The following GTF2E1 variants were observed in gnomAD, a reference collection of about 807,000 sequenced individuals.
GTF2E1 encodes the protein TFIIE alpha subunit.
In GTF2E1, 14 loss-of-function variants were observed where a neutral mutation model predicts 34.9. The ratio of observed to expected loss-of-function variants is 0.40; its 90% CI spans 0.27 to 0.63. The LOEUF (loss-of-function observed/expected upper bound fraction) is 0.63, where lower values mean the gene tolerates loss of function less well. Ranked by LOEUF, GTF2E1 falls within the 20% of genes least tolerant of loss-of-function variation. The pLI is 0.39. For missense variants in GTF2E1, 469 were observed against 557.7 expected (o/e 0.84, Z 1.60); for synonymous variants, 188 against 192.9 (o/e 0.97, Z 0.21).
intron 4 of GTF2E1, among the ~76,000 whole-genome samples, chr3:120,778,429 A>G (rs1349283496): frequency 6.6e-6 from 1 of 152,302 alleles, no homozygotes; most frequent in African/African-American, 2.4e-5. Flanking sequence ...ATTTTCCTCA[A>G]ACTTCAAGTC....
intron 2 of GTF2E1, among the ~76,000 whole-genome samples, chr3:120,757,586 T>C (rs570661200): frequency 3.3e-5 from 5 of 152,350 alleles, no homozygotes; most frequent in African/African-American, 1.2e-4. Flanking sequence ...AGCAACTCCT[T>C]TTTCTATACA....
intron 1 of GTF2E1, among the ~76,000 whole-genome samples, chr3:120,749,130 T>G (rs146713866): frequency 0.017 from 2,650 of 152,332 alleles, 85 homozygotes; most frequent in African/African-American, 0.061. Flanking sequence ...CTGAAGTTGC[T>G]TATCAGTTTA....
At chr3:120,780,219 G>A (rs931288829) in intron 4 of GTF2E1, among the ~76,000 whole-genome samples, 4 of 152,166 alleles carry the variant, frequency 2.6e-5, no homozygotes, top group African/African-American at 7.2e-5. Flanking sequence ...ATAAATATCT[G>A]TTGTGGTAGA....
chr3:120,770,687 A>G (rs777220509), intron 2 of GTF2E1, 41 bp from the exon 3 acceptor site: 10 of 1,438,194 alleles, frequency 7.0e-6, no homozygotes, highest in Non-Finnish European at 7.8e-6. Flanking sequence ...ACTATCTGCT[A>G]AAGTCTTCTC....
chr3:120,745,007 C>T (rs1709093276), intron 1 of GTF2E1, among the ~76,000 whole-genome samples: 1 of 151,992 alleles, frequency 6.6e-6, no homozygotes, highest in South Asian at 2.1e-4. Flanking sequence ...CAGCCTTGAC[C>T]TCCTGGCTCA....
intron 1 of GTF2E1, among the ~76,000 whole-genome samples, chr3:120,748,839 G>T (rs1709134127): frequency 6.6e-6 from 1 of 152,100 alleles, no homozygotes; most frequent in Admixed American, 6.5e-5. Flanking sequence ...AATTACCTTG[G>T]GCAGTATGGC....
chr3:120,780,249 G>A (rs1709435448), intron 4 of GTF2E1, among the ~76,000 whole-genome samples: 1 of 152,108 alleles, frequency 6.6e-6, no homozygotes, highest in African/African-American at 2.4e-5. Flanking sequence ...CTTGGAAAGG[G>A]GGTGACAAAG....
intron 1 of GTF2E1, among the ~76,000 whole-genome samples, chr3:120,747,867 G>A (rs1709121831): frequency 6.6e-6 from 1 of 152,230 alleles, no homozygotes; most frequent in Non-Finnish European, 1.5e-5. Flanking sequence ...CCCAACAACA[G>A]TGTAAAAGTC....
intron 2 of GTF2E1, among the ~76,000 whole-genome samples, chr3:120,756,017 G>A (rs1343159320): frequency 6.6e-6 from 1 of 152,122 alleles, no homozygotes; most frequent in East Asian, 1.9e-4. Context: ...ATCTGTTGAT[G>A]AACACTTAGG....
chr3:120,768,864 A>G (rs1335991059), intron 2 of GTF2E1, among the ~76,000 whole-genome samples: 1 of 152,222 alleles, frequency 6.6e-6, no homozygotes, highest in Non-Finnish European at 1.5e-5. Context: ...GTTACCAAAT[A>G]TAAAAGCTAG....
rs756397594 is a variant in GTF2E1 at position 120,776,528 on chromosome 3, G to T, written c.756G>T (p.Gln252His). 1 of 1,613,886 alleles carries T rather than the reference G, an allele frequency of 6.2e-7. No homozygotes were observed. Among genetic ancestry groups the T allele is most frequent in the Non-Finnish European group, 8.5e-7 (1 of 1,179,946 alleles). Residue 252 changes from glutamine to histidine, a missense_variant, in exon 4 of 5, where the codon CAG becomes CAT. Transcript: ENST00000283875. ...KGPSYEDLYT[Q>H]NVVINMDDQE... Reference sequence around the variant, plus strand: ...CTTCCTATGAAGACTTATACACTCAGAATGTTGTCATTAACATGGATGACC... The same window carrying T: ...CTTCCTATGAAGACTTATACACTCATAATGTTGTCATTAACATGGATGACC...
intron 2 of GTF2E1, among the ~76,000 whole-genome samples, chr3:120,763,276 T>G (rs773002920): frequency 6.6e-6 from 1 of 152,206 alleles, no homozygotes; most frequent in Non-Finnish European, 1.5e-5. Flanking sequence ...TTTGCCCTTC[T>G]TCCCCCATAT....
intron 2 of GTF2E1, among the ~76,000 whole-genome samples, chr3:120,770,280 A>T (rs1412798622): frequency 6.6e-6 from 1 of 152,152 alleles, no homozygotes; most frequent in Non-Finnish European, 1.5e-5. Flanking sequence ...TTTAAAAAAT[A>T]GCCTGTGACA....
chr3:120,764,269 G>A (rs967831714), intron 2 of GTF2E1, among the ~76,000 whole-genome samples: 1 of 152,102 alleles, frequency 6.6e-6, no homozygotes, highest in African/African-American at 2.4e-5. Flanking sequence ...TAGAATGTGA[G>A]GGCCATGAAA....
intron 3 of GTF2E1, among the ~76,000 whole-genome samples, chr3:120,776,178 T>G (rs2107613275): frequency 6.6e-6 from 1 of 152,330 alleles, no homozygotes; most frequent in African/African-American, 2.4e-5. Flanking sequence ...CTCAGTCATT[T>G]ATATACATCA....
chr3:120,780,359 T>C (rs1709436514), intron 4 of GTF2E1, among the ~76,000 whole-genome samples: 1 of 152,082 alleles, frequency 6.6e-6, no homozygotes, highest in Non-Finnish European at 1.5e-5. Context: ...AAAGGTAACA[T>C]TTGAATAAAG....
chr3:120,757,283 A>G lies in GTF2E1; in HGVS notation c.448+6283A>G, dbSNP rs1383551038. Among the ~76,000 whole-genome samples the G allele has an allele frequency of 2.0e-5, 3 of 152,256 alleles. No individual in the cohort carries two copies. The East Asian group carries it at 5.8e-4, about 29-fold the overall frequency. ...TTGAGGAATGATGCATGATTAGACC[A>G]AATCCAGATAAATTCCTGTTTAAGG... On this transcript the variant is annotated intron_variant, in intron 2 of 4. Coordinates refer to ENST00000283875, the MANE Select transcript of GTF2E1 (RefSeq NM_005513.3).
Position 120,758,912 on chromosome 3 carries a change from T to A in GTF2E1, c.448+7912T>A, listed in dbSNP as rs550709852. 1.1e-4 allele frequency among the ~76,000 whole-genome samples: 16 copies of A among 152,336 alleles called. No homozygotes were observed. The East Asian group carries it at 1.7e-3, about 17-fold the overall frequency. ...GCATGTGTCTTTATAGTAGCATGAT[T>A]TATAATCCTTTGGGTGTATATCCAG... On this transcript the variant is annotated intron_variant, in intron 2 of 4. Coordinates refer to ENST00000283875, the MANE Select transcript of GTF2E1 (RefSeq NM_005513.3).
chr3:120,771,492 G>A lies in GTF2E1; in HGVS notation c.650+563G>A, dbSNP rs148006414. Reference sequence around the variant, plus strand: ...ACCTTAGTTTTGCCATGCCAGAAAAGGTGGTTTATATTCTTTCTTGAAAAG... The same window carrying A: ...ACCTTAGTTTTGCCATGCCAGAAAAAGTGGTTTATATTCTTTCTTGAAAAG... On this transcript the variant is annotated intron_variant, in intron 3 of 4. Transcript: ENST00000283875. Among the ~76,000 whole-genome samples, 376 of 152,202 alleles carry A rather than the reference G, an allele frequency of 2.5e-3. 1 individual carries two copies. The highest frequency in any genetic ancestry group is 8.6e-3 in the African/African-American group (357 of 41,532).
Sources: allele counts gnomAD v4.1 joint callset (sites outside exome capture counted in the v4.1 genomes callset), GRCh38; gene constraint gnomAD v4.1.1; transcripts MANE v1.5; gene names NCBI Gene and HGNC (gene_info 2026-07-23, HGNC 2026-07-21).